HROB: variants seen among roughly 807,000 people sequenced by gnomAD.
HROB encodes homologous recombination factor with OB-fold, also known as homologous recombination OB-fold protein.
Under a neutral mutation model 61.0 loss-of-function variants are expected in HROB, and 44 were observed. The ratio of observed to expected loss-of-function variants is 0.72; its 90% CI spans 0.57 to 0.93. The LOEUF (loss-of-function observed/expected upper bound fraction) is 0.93, where lower values mean the gene tolerates loss of function less well. HROB is among the 40% of genes least tolerant of loss of function. HROB has a pLI of 0.00. For synonymous variants in HROB, 301 were observed against 310.4 expected (o/e 0.97, Z 0.32); for missense variants, 716 against 796.2 (o/e 0.90, Z 1.21).
chr17:44,159,358 A>G (rs1027512855), intron 9 of HROB, among the ~76,000 whole-genome samples: 2 of 152,252 alleles, frequency 1.3e-5, no homozygotes, highest in African/African-American at 4.8e-5. Flanking sequence ...GCCAATATAG[A>G]GTCAAGAGCT....
intron 9 of HROB, 148 bp from the exon 10 acceptor site, chr17:44,161,723 C>T: frequency 2.6e-6 from 2 of 766,590 alleles, no homozygotes; most frequent in Admixed American, 2.4e-5. Context: ...GCCTCAGGCC[C>T]ATTGGCATGG....
chr17:44,156,278 C>G (rs1256086829), intron 8 of HROB, among the ~76,000 whole-genome samples: 2 of 152,030 alleles, frequency 1.3e-5, no homozygotes. Context: ...CTCTGTCACC[C>G]AGGCCAGAGT....
rs1433440878 is a variant in HROB at position 44,161,612 on chromosome 17, A to G, written c.1880-259A>G. Among the ~76,000 whole-genome samples, 3 of 152,196 alleles carry G rather than the reference A, an allele frequency of 2.0e-5. 1 individual carries two copies. Among genetic ancestry groups the G allele is most frequent in the Non-Finnish European group, 4.4e-5 (3 of 68,032 alleles). ...GGAAGGAGAGGAATCAGTGAGGCTC[A>G]GGGGAATCCTCTTCCTCGTCAGAAT... On this transcript the variant is annotated intron_variant, in intron 9 of 9. Coordinates refer to ENST00000585683, the MANE Select transcript of HROB (RefSeq NM_001171251.3).
At chr17:44,146,546 G>A (rs12603404) in intron 2 of HROB, among the ~76,000 whole-genome samples, 5,762 of 152,234 alleles carry the variant, frequency 0.038, 139 homozygotes, top group East Asian at 0.069. Context: ...TCTGACAGCT[G>A]AAGTTTCTGT....
chr17:44,155,988 TG>T (rs1440054488), intron 8 of HROB, among the ~76,000 whole-genome samples: 2 of 151,970 alleles, frequency 1.3e-5, no homozygotes, highest in African/African-American at 4.8e-5. Context: ...GGGCTTGACT[TG>T]CCCTGCCCCC....
chr17:44,143,341 T>G (rs915563254), intron 1 of HROB, among the ~76,000 whole-genome samples: 5 of 151,872 alleles, frequency 3.3e-5, no homozygotes, highest in African/African-American at 1.2e-4. Flanking sequence ...AGGCCCCGTA[T>G]CTATAAAAAT....
chr17:44,148,915 A>G lies in HROB; in HGVS notation c.1112A>G (p.His371Arg), dbSNP rs1198510531. 1.2e-6 allele frequency: 2 copies of G among 1,613,994 alleles called. No individual in the cohort carries two copies. The highest frequency in any genetic ancestry group is 1.7e-6 in the Non-Finnish European group (2 of 1,179,982). Reference sequence around the variant, plus strand: ...CTGCAGACACCCATAGTCACCAACCACCTGGTGCAGCTAGTCACTGCTGCC... The same window carrying G: ...CTGCAGACACCCATAGTCACCAACCGCCTGGTGCAGCTAGTCACTGCTGCC... ...GALQTPIVTN[H>R]LVQLVTAASR... The change falls in exon 3 of 10, where the codon CAC (histidine) becomes CGC (arginine). Residue 371 changes from histidine (H) to arginine (R), a missense_variant. Transcript: ENST00000585683.
chr17:44,161,848 A>G (rs970648073), intron 9 of HROB, 23 bp from the exon 10 acceptor site: 2 of 1,610,902 alleles, frequency 1.2e-6, no homozygotes, highest in Non-Finnish European at 1.7e-6. Context: ...CACTAAGGCT[A>G]CCCATCATTC....
chr17:44,147,342 G>A (rs1426998607), intron 2 of HROB, among the ~76,000 whole-genome samples: 2 of 152,094 alleles, frequency 1.3e-5, no homozygotes, highest in East Asian at 3.8e-4. Context: ...GTTTTTGATA[G>A]AGCCTTGTGT....
intron 2 of HROB, among the ~76,000 whole-genome samples, chr17:44,146,790 A>G (rs2053622842): frequency 6.6e-6 from 1 of 151,638 alleles, no homozygotes; most frequent in Middle Eastern, 3.4e-3. Context: ...AGCCCAGACA[A>G]TCCAGTGCAG....
intron 1 of HROB, among the ~76,000 whole-genome samples, chr17:44,143,500 C>G (rs1342946398): frequency 3.9e-5 from 6 of 151,914 alleles, no homozygotes. Context: ...AAAAAAATAG[C>G]CAGGCATTGT....
intron 3 of HROB, among the ~76,000 whole-genome samples, chr17:44,150,584 T>C (rs1404889229): frequency 6.6e-6 from 1 of 151,758 alleles, no homozygotes; most frequent in Non-Finnish European, 1.5e-5. Flanking sequence ...GAGATGGGGG[T>C]TTCTCCATGT....
At chr17:44,153,436 T>G (rs1412870397) in intron 5 of HROB, among the ~76,000 whole-genome samples, 1 of 151,108 alleles carries the variant, frequency 6.6e-6, no homozygotes, top group East Asian at 2.0e-4. Context: ...GCCGGGGCAA[T>G]AGAGCGAGAG....
Position 44,148,267 on chromosome 17 carries a change from A to G in HROB, c.464A>G (p.Gln155Arg). Residue 155 changes from glutamine (Q) to arginine (R), a missense_variant, in exon 3 of 10, where the codon CAA becomes CGA. Physicochemically the swap from Gln to Arg is conservative, Grantham distance 43 (BLOSUM62 1). Transcript: ENST00000585683. ...QQVGGFEGPEQDEFDKVLASM... is the reference protein window; with the variant it reads ...QQVGGFEGPERDEFDKVLASM... The stretch of plus-strand genomic sequence containing the variant: ...GTTGGTGGCTTTGAGGGGCCTGAAC[A>G]AGACGAATTTGATAAAGTCCTGGCA... The G allele has an allele frequency of 6.2e-7, 1 of 1,614,156 alleles. No homozygotes were observed.
intron 7 of HROB, 56 bp from the exon 8 acceptor site, chr17:44,155,230 T>C: frequency 6.2e-7 from 1 of 1,603,688 alleles, no homozygotes; most frequent in Non-Finnish European, 8.5e-7. Context: ...CAGGTGTCCA[T>C]CTGGCAGCTC....
intron 1 of HROB, 126 bp from the exon 2 acceptor site, chr17:44,145,077 C>G (rs775505338): frequency 4.8e-6 from 5 of 1,031,878 alleles, no homozygotes; most frequent in Non-Finnish European, 7.4e-6. Flanking sequence ...CTTTCCCAGC[C>G]GTAGCAAAAA....
intron 9 of HROB, among the ~76,000 whole-genome samples, chr17:44,160,223 C>G (rs1173827574): frequency 6.6e-6 from 1 of 152,042 alleles, no homozygotes; most frequent in African/African-American, 2.4e-5. Context: ...TGTTTTTTTT[C>G]TCGGTTATAA....
rs771078402 is a variant in HROB at position 44,148,403 on chromosome 17, C to T, written c.600C>T (p.Ala200=). Residue 200 remains alanine, a synonymous_variant, in exon 3 of 10, where the codon GCC becomes GCT. Transcript: ENST00000585683. ...QREGSVLAKK[A]RVVDLSGSCQ... ...AGGGTTCAGTATTGGCTAAAAAAGC[C>T]CGGGTAGTTGATCTGAGTGGATCTT... 2 of 1,614,084 alleles carry T rather than the reference C, an allele frequency of 1.2e-6. No homozygotes were observed. The highest frequency in any genetic ancestry group is 2.2e-5 in the South Asian group (2 of 91,078).
intron 9 of HROB, among the ~76,000 whole-genome samples, chr17:44,160,441 C>T (rs752206538): frequency 1.6e-4 from 24 of 151,996 alleles, no homozygotes; most frequent in Non-Finnish European, 2.1e-4. Context: ...TGGTGGCGGG[C>T]GCCTGTAGTC....
Sources: allele counts gnomAD v4.1 joint callset (sites outside exome capture counted in the v4.1 genomes callset), GRCh38; gene constraint gnomAD v4.1.1; transcripts MANE v1.5; gene names NCBI Gene and HGNC (gene_info 2026-07-23, HGNC 2026-07-21).